The following GRIP1 variants were observed in gnomAD, a reference collection of about 807,000 sequenced individuals.
GRIP1 encodes glutamate receptor interacting protein 1.
Under a neutral mutation model 129.9 loss-of-function variants are expected in GRIP1, and 45 were observed. The observed-to-expected ratio is 0.35, with a 90% CI of 0.27 to 0.44. GRIP1 has a LOEUF of 0.44. GRIP1 is among the 20% of genes least tolerant of loss of function. The probability of loss-of-function intolerance (pLI) is 1.00; values close to 1 mark genes in which losing one functional copy is unlikely to be tolerated. For synonymous variants in GRIP1, 530 were observed against 520.8 expected (o/e 1.02, Z -0.24); for missense variants, 1,196 against 1,396.8 (o/e 0.86, Z 2.29).
chr12:66,558,610 A>T, intron 2 of GRIP1, among the ~76,000 whole-genome samples: 1 of 152,258 alleles, frequency 6.6e-6, no homozygotes, highest in African/African-American at 2.4e-5. Flanking sequence ...AATAAAATGT[A>T]CCAAGATTGA....
At chr12:66,706,214 A>T (rs372954178) in intron 1 of GRIP1, among the ~76,000 whole-genome samples, 1 of 152,184 alleles carries the variant, frequency 6.6e-6, no homozygotes, top group Admixed American at 6.5e-5. Flanking sequence ...TACAAGAAAA[A>T]GACAACCCCA....
intron 1 of GRIP1, among the ~76,000 whole-genome samples, chr12:66,947,504 AAAGAGTAAAAACTTTGAAGG>A (rs1364699650): frequency 6.6e-6 from 1 of 152,228 alleles, no homozygotes; most frequent in Non-Finnish European, 1.5e-5. Flanking sequence ...GAATATGTAA[AAAGAGTAAAAACTTTGAAGG>A]AGATGAAAAC....
At chr12:66,684,814 T>C (rs1275127109) in intron 1 of GRIP1, among the ~76,000 whole-genome samples, 2 of 152,052 alleles carry the variant, frequency 1.3e-5, no homozygotes, top group African/African-American at 2.4e-5. Flanking sequence ...CAGTGCACTC[T>C]AGCCTGGATG....
chr12:66,912,068 A>G (rs891917275), intron 1 of GRIP1, among the ~76,000 whole-genome samples: 1 of 152,224 alleles, frequency 6.6e-6, no homozygotes, highest in Non-Finnish European at 1.5e-5. Flanking sequence ...ATTACATTTT[A>G]GTTTTACTTT....
At chr12:66,524,024 T>C (rs553475310) in intron 5 of GRIP1, among the ~76,000 whole-genome samples, 30 of 152,238 alleles carry the variant, frequency 2.0e-4, no homozygotes, top group African/African-American at 7.0e-4. Flanking sequence ...CCCAGATTCA[T>C]AAAGCAAGTC....
intron 11 of GRIP1, among the ~76,000 whole-genome samples, chr12:66,450,297 C>G (rs1419691854): frequency 2.1e-5 from 2 of 93,844 alleles, no homozygotes; most frequent in African/African-American, 9.0e-5. Flanking sequence ...GAGTGAGACT[C>G]CATCTCAAAA....
intron 1 of GRIP1, among the ~76,000 whole-genome samples, chr12:66,748,315 C>T (rs999054183): frequency 6.6e-6 from 1 of 152,166 alleles, no homozygotes; most frequent in Non-Finnish European, 1.5e-5. Context: ...CCATGCTTGG[C>T]CTCAGTTACT....
At chr12:66,850,825 A>C (rs1289740182) in intron 1 of GRIP1, among the ~76,000 whole-genome samples, 1 of 151,756 alleles carries the variant, frequency 6.6e-6, no homozygotes, top group East Asian at 1.9e-4. Context: ...CTGATAGATT[A>C]GTTTGTTCTC....
At chr12:66,411,775 G>A (rs2057411832) in intron 15 of GRIP1, among the ~76,000 whole-genome samples, 1 of 152,186 alleles carries the variant, frequency 6.6e-6, no homozygotes, top group South Asian at 2.1e-4. Context: ...AGCCAGTTTA[G>A]TGACAAACAT....
intron 1 of GRIP1, among the ~76,000 whole-genome samples, chr12:67,055,811 G>T (rs928626085): frequency 1.3e-5 from 2 of 152,126 alleles, no homozygotes; most frequent in African/African-American, 2.4e-5. Context: ...GAAGCCACTG[G>T]GCCACACTTT....
At chr12:66,377,088 T>C (rs371594041) in intron 21 of GRIP1, 27 bp from the exon 22 acceptor site, 340 of 1,601,546 alleles carry the variant, frequency 2.1e-4, no homozygotes, top group Non-Finnish European at 2.8e-4. Flanking sequence ...AGCTTTTAAA[T>C]GAACTGGTGT....
intron 2 of GRIP1, among the ~76,000 whole-genome samples, chr12:66,596,274 G>C (rs969222137): frequency 1.3e-5 from 2 of 151,978 alleles, no homozygotes; most frequent in Non-Finnish European, 2.9e-5. Flanking sequence ...GACGTTTTGG[G>C]GTAAAGACAT....
chr12:66,738,924 T>C (rs1206301137), intron 1 of GRIP1, among the ~76,000 whole-genome samples: 1 of 152,232 alleles, frequency 6.6e-6, no homozygotes, highest in Admixed American at 6.5e-5. Context: ...CAATTCCTCC[T>C]TTACATACTC....
rs913219940 is a variant in GRIP1 at position 66,407,038 on chromosome 12, CA to C, written c.1839-611del. Among the ~76,000 whole-genome samples, 5 of 151,620 alleles carry C rather than the reference CA, an allele frequency of 3.3e-5. No homozygotes were observed. In the East Asian group the frequency reaches 5.8e-4, roughly 18 times the overall value. The stretch of plus-strand genomic sequence containing the variant: ...AATTTTAAGGTCCATAATGAAACAA[CA>C]AAAAAAATAATGTGAATGTAGTATG... On this transcript the variant is annotated intron_variant, in intron 15 of 24. Transcript: ENST00000359742.
intron 1 of GRIP1, among the ~76,000 whole-genome samples, chr12:66,778,224 T>C (rs1056703276): frequency 6.6e-6 from 1 of 152,126 alleles, no homozygotes; most frequent in Non-Finnish European, 1.5e-5. Flanking sequence ...TGATTTGTAT[T>C]ATATTTCTAT....
At chr12:66,786,432 G>C (rs944122708) in intron 1 of GRIP1, among the ~76,000 whole-genome samples, 3 of 152,144 alleles carry the variant, frequency 2.0e-5, no homozygotes, top group African/African-American at 7.2e-5. Flanking sequence ...GCTGGGGACA[G>C]CTTCAGGAGG....
chr12:66,795,445 T>G (rs1475249956), intron 1 of GRIP1, among the ~76,000 whole-genome samples: 1 of 152,210 alleles, frequency 6.6e-6, no homozygotes, highest in Non-Finnish European at 1.5e-5. Context: ...TCACAAAATG[T>G]TTGCCACTGT....
chr12:66,876,717 G>A (rs1592922490), intron 1 of GRIP1, among the ~76,000 whole-genome samples: 1 of 152,034 alleles, frequency 6.6e-6, no homozygotes, highest in South Asian at 2.1e-4. Context: ...AACCACCAGG[G>A]AGCAATGTGT....
chr12:66,486,385 C>T (rs997560389), intron 7 of GRIP1, among the ~76,000 whole-genome samples: 1 of 152,050 alleles, frequency 6.6e-6, no homozygotes, highest in African/African-American at 2.4e-5. Context: ...ATTTTTAAGG[C>T]AGGTGATATG....
Sources: gnomAD v4.1 joint callset for allele counts (sites outside exome capture counted in the v4.1 genomes callset) on GRCh38, gnomAD v4.1.1 for gene constraint, MANE v1.5 for transcripts, NCBI Gene and HGNC (gene_info 2026-07-23, HGNC 2026-07-21) for gene names.